The following ABCC5 variants were observed in gnomAD, a reference collection of about 807,000 sequenced individuals.
The protein encoded by ABCC5 is ATP-binding cassette sub-family C member 5.
ABCC5 carries 61 observed loss-of-function variants against 160.9 expected under a neutral mutation model. That is an observed-to-expected ratio of 0.38 (90% CI 0.31 to 0.47). The LOEUF (loss-of-function observed/expected upper bound fraction) is 0.47, where lower values mean the gene tolerates loss of function less well. ABCC5 is among the 20% of genes least tolerant of loss of function. ABCC5 has a pLI of 0.99. For synonymous variants in ABCC5, 666 were observed against 700.6 expected (o/e 0.95, Z 0.78); for missense variants, 1,308 against 1,813.3 (o/e 0.72, Z 5.06).
In ABCC5 at chr3:183,955,896, A is replaced by G. The variant is rs146247121; in HGVS notation, c.2483-2626T>C. Among the ~76,000 whole-genome samples the G allele has an allele frequency of 6.4e-3, 847 of 132,716 alleles. 109 individuals carry two copies. Among genetic ancestry groups the G allele is most frequent in the African/African-American group, 0.022 (783 of 35,656 alleles). 87.1% of individuals were successfully genotyped at this position (132,716 alleles called of 152,430 possible). Reference sequence around the variant, plus strand: ...TATTACATCTGTTATATGCAGATCCATGTGTATATCACATCAGTTATATGC... The same window carrying G: ...TATTACATCTGTTATATGCAGATCCGTGTGTATATCACATCAGTTATATGC... On this transcript the variant is annotated intron_variant, in intron 17 of 29. Transcript: ENST00000334444.
chr3:183,968,948 T>C (rs930302004), intron 11 of ABCC5, among the ~76,000 whole-genome samples: 3 of 152,230 alleles, frequency 2.0e-5, no homozygotes, highest in Non-Finnish European at 4.4e-5. Flanking sequence ...CAGTGTCTGA[T>C]AGTTGAACAA....
At chr3:183,984,961 G>C (rs1719072420) in intron 5 of ABCC5, 1 of 1,373,692 alleles carries the variant, frequency 7.3e-7, no homozygotes, top group Non-Finnish European at 1.0e-6. Context: ...CCATTTTTCA[G>C]CACTGGGTAA....
At chr3:183,946,268 G>C (rs2108788849) in intron 23 of ABCC5, among the ~76,000 whole-genome samples, 1 of 152,322 alleles carries the variant, frequency 6.6e-6, no homozygotes, top group East Asian at 1.9e-4. Context: ...GTTTGTGGGA[G>C]TCACAACAAA....
chr3:183,979,215 C>A (rs1223362595), intron 8 of ABCC5, among the ~76,000 whole-genome samples: 4 of 152,118 alleles, frequency 2.6e-5, no homozygotes, highest in African/African-American at 7.2e-5. Flanking sequence ...TGTGGTAGTA[C>A]ACGCCTATGA....
intron 26 of ABCC5, among the ~76,000 whole-genome samples, chr3:183,931,324 CTTTTT>C: frequency 7.6e-6 from 1 of 131,524 alleles, no homozygotes; most frequent in Non-Finnish European, 1.6e-5. Context: ...ACAGGCTTAA[CTTTTT>C]TTTTTTTTTT....
intron 16 of ABCC5, 85 bp from the exon 17 acceptor site, chr3:183,959,920 T>A (rs1716569475): frequency 2.2e-6 from 2 of 922,360 alleles, no homozygotes; most frequent in Admixed American, 5.0e-5. Context: ...GAATCATCAA[T>A]TAAACTGCTA....
chr3:184,000,986 C>T, intron 2 of ABCC5: 1 of 390,472 alleles, frequency 2.6e-6, no homozygotes, highest in Non-Finnish European at 4.5e-6. Context: ...TGTACAGTGG[C>T]TTATGCCTGT....
At chr3:184,015,238 C>T (rs1560063577) in intron 1 of ABCC5, among the ~76,000 whole-genome samples, 1 of 152,168 alleles carries the variant, frequency 6.6e-6, no homozygotes, top group Non-Finnish European at 1.5e-5. Flanking sequence ...TTACCTGAAA[C>T]TCTATTCTAA....
chr3:183,943,376 G>A (rs1038445522), intron 24 of ABCC5, among the ~76,000 whole-genome samples: 2 of 152,150 alleles, frequency 1.3e-5, no homozygotes, highest in African/African-American at 4.8e-5. Context: ...TGGCATTCTG[G>A]CATGTCTTGG....
chr3:183,976,829 C>T lies in ABCC5; in HGVS notation c.1404+688G>A, dbSNP rs576745251. Among the ~76,000 whole-genome samples the T allele has an allele frequency of 1.6e-4, 24 of 152,264 alleles. No homozygotes were observed. The South Asian group carries it at 2.1e-3, about 13-fold the overall frequency. ...CAGTGGCAACATCAAGGAATTCCAGCCCACATGGCATCCCTTTTTTTGTTA... is the reference window on the plus strand; with the variant it reads ...CAGTGGCAACATCAAGGAATTCCAGTCCACATGGCATCCCTTTTTTTGTTA... On this transcript the variant is annotated intron_variant, in intron 10 of 29. Transcript: ENST00000334444.
intron 2 of ABCC5, among the ~76,000 whole-genome samples, chr3:183,998,569 T>C (rs943213278): frequency 4.6e-5 from 7 of 152,180 alleles, no homozygotes; most frequent in Non-Finnish European, 7.3e-5. Context: ...CTAGTATCCC[T>C]GTTTTACAGC....
rs1167589774 is a variant in ABCC5, at chr3:183,949,525, C to T, written c.3227+228G>A. ...TCCTGAGTAGCTGTGACTATAGGCA[C>T]GTGATGCCGCATGCGGCCCAAATCT... On this transcript the variant is annotated intron_variant, in intron 22 of 29. Transcript: ENST00000334444. This position sits in a 1 kb window ranked among gnomAD's most constrained non-coding sequence, Gnocchi z 4.2. 2.6e-5 allele frequency among the ~76,000 whole-genome samples: 4 copies of T among 152,248 alleles called. No individual in the cohort carries two copies. The highest frequency in any genetic ancestry group is 9.6e-5 in the African/African-American group (4 of 41,470).
In ABCC5 at chr3:183,971,855, A is replaced by G; in HGVS notation, c.1469T>C (p.Ile490Thr). The G allele has an allele frequency of 6.2e-7, 1 of 1,614,014 alleles. No homozygotes were observed. Among genetic ancestry groups the G allele is most frequent in the Non-Finnish European group, 8.5e-7 (1 of 1,180,012 alleles). Residue 490 changes from isoleucine (I) to threonine (T), a missense_variant, in exon 11 of 30, where the codon ATA becomes ACA. Coordinates refer to ENST00000334444, the MANE Select transcript of ABCC5 (RefSeq NM_005688.4). The part of the protein sequence containing the change: ...KNKPASPHIK[I>T]EMKNATLAWD... ...TGCCAAGGTGGCATTTTTCATCTCT[A>G]TCTTGATGTGAGGACTGGCTGGTTT...
At chr3:183,940,919 C>T (rs181567174) in intron 25 of ABCC5, among the ~76,000 whole-genome samples, 237 of 152,188 alleles carry the variant, frequency 1.6e-3, no homozygotes, top group African/African-American at 5.6e-3. Flanking sequence ...AGGGCAATAG[C>T]GCAATCTCAG....
At chr3:183,967,871 GT>G (rs1424221395) in intron 11 of ABCC5, 105 bp from the exon 12 acceptor site, 2 of 934,584 alleles carry the variant, frequency 2.1e-6, no homozygotes, top group Non-Finnish European at 3.4e-6. Flanking sequence ...ATACAGAACT[GT>G]CACCCTGATG....
At chr3:183,979,203 G>A (rs1718483978) in intron 8 of ABCC5, among the ~76,000 whole-genome samples, 2 of 152,106 alleles carry the variant, frequency 1.3e-5, no homozygotes, top group African/African-American at 4.8e-5. Context: ...AAATTAGCCG[G>A]GTGTGGTAGT....
chr3:183,926,158 T>TTTTC (rs1175459487), intron 28 of ABCC5, among the ~76,000 whole-genome samples: 2 of 149,460 alleles, frequency 1.3e-5, no homozygotes, highest in Non-Finnish European at 3.0e-5. Flanking sequence ...TTTTTTTTTT[T>TTTTC]CTAAGAAAGC....
At chr3:184,000,152 A>C (rs1368962191) in intron 2 of ABCC5, among the ~76,000 whole-genome samples, 1 of 151,776 alleles carries the variant, frequency 6.6e-6, no homozygotes, top group African/African-American at 2.4e-5. Flanking sequence ...TGAGCCTAGG[A>C]GCTTGAGACC....
intron 2 of ABCC5, among the ~76,000 whole-genome samples, chr3:184,008,319 C>T (rs765169624): frequency 7.2e-5 from 11 of 152,110 alleles, no homozygotes; most frequent in Non-Finnish European, 1.3e-4. Flanking sequence ...TCTACATGTG[C>T]ATATATAAAT....
Sources: allele counts gnomAD v4.1 joint callset (sites outside exome capture counted in the v4.1 genomes callset), GRCh38; gene constraint gnomAD v4.1.1; non-coding constraint Gnocchi (gnomAD v3.1); transcripts MANE v1.5; gene names NCBI Gene and HGNC (gene_info 2026-07-23, HGNC 2026-07-21).